Variants in ITPRID2 observed in about 807,000 individuals in gnomAD.
The protein encoded by ITPRID2 is ITPR interacting domain containing 2.
A neutral mutation model predicts 124.3 loss-of-function variants in ITPRID2; 60 were observed. That is an observed-to-expected ratio of 0.48 (90% CI 0.39 to 0.60). The LOEUF is 0.60. Among genes scored for constraint, ITPRID2 ranks in the 20% least tolerant of loss-of-function variants. The probability of loss-of-function intolerance (pLI) is 0.00; values close to 1 mark genes in which losing one functional copy is unlikely to be tolerated. For synonymous variants in ITPRID2, 521 were observed against 542.9 expected (o/e 0.96, Z 0.56); for missense variants, 1,553 against 1,512.2 (o/e 1.03, Z -0.45).
At chr2:181,894,643 T>C (rs1198849243) in intron 2 of ITPRID2, 1 of 152,196 alleles carries the variant, frequency 6.6e-6, no homozygotes, top group Non-Finnish European at 1.5e-5. Context: ...AAATAGTCTT[T>C]GTTTCTTAGT....
At position 181,928,153 on chromosome 2, in the gene ITPRID2, C is replaced by T. The variant is rs1456910071; in HGVS notation, c.3676-8C>T. 3 of 1,505,036 alleles carry T rather than the reference C, an allele frequency of 2.0e-6. No homozygotes were observed. Among genetic ancestry groups the T allele is most frequent in the Non-Finnish European group, 2.7e-6 (3 of 1,125,094 alleles). The allele number at this position is 1,505,036 out of a possible 1,614,324, so 93.2% of individuals were successfully genotyped here. ...GTAAATTTTTGTTTTATTGTTTTTCCAATCTAGATTAAAGAGTCTATTGTT... is the reference window on the plus strand; with the variant it reads ...GTAAATTTTTGTTTTATTGTTTTTCTAATCTAGATTAAAGAGTCTATTGTT... On this transcript the variant is annotated splice_region_variant and splice_polypyrimidine_tract_variant and intron_variant, in intron 16 of 17. Coordinates refer to ENST00000431877, the MANE Select transcript of ITPRID2 (RefSeq NM_001130445.3).
intron 4 of ITPRID2, among the ~76,000 whole-genome samples, chr2:181,898,269 T>C (rs549766747): frequency 6.6e-6 from 1 of 152,172 alleles, no homozygotes; most frequent in Admixed American, 6.5e-5. Context: ...AATTTTATTC[T>C]TTGTATTTGT....
At chr2:181,929,522 G>C in intron 17 of ITPRID2, 39 bp from the exon 18 acceptor site, 2 of 1,416,298 alleles carry the variant, frequency 1.4e-6, no homozygotes, top group Non-Finnish European at 9.9e-7. Flanking sequence ...AACAGTATTT[G>C]AAAGAGGTTT....
chr2:181,918,398 T>C, intron 11 of ITPRID2, 200 bp from the exon 12 acceptor site: 1 of 1,367,506 alleles, frequency 7.3e-7, no homozygotes, highest in Non-Finnish European at 9.4e-7. Context: ...GTAGATTGAC[T>C]TATACCTGGA....
chr2:181,910,658 AC>A lies in ITPRID2; in HGVS notation c.1486+688del. On this transcript the variant is annotated intron_variant, in intron 9 of 17. Coordinates refer to ENST00000431877, the MANE Select transcript of ITPRID2 (RefSeq NM_001130445.3). This position sits in a 1 kb window ranked among gnomAD's most constrained non-coding sequence, Gnocchi z 4.1. Reference sequence around the variant, plus strand: ...GGACTGTTTATTTTTGAAACTTTACACATGCTGAACCACCCTGTTTTTTTTT... The same window carrying A: ...GGACTGTTTATTTTTGAAACTTTACAATGCTGAACCACCCTGTTTTTTTTT... 1 of 675,596 alleles carries A rather than the reference AC, an allele frequency of 1.5e-6. No homozygotes were observed. Among genetic ancestry groups the A allele is most frequent in the African/African-American group, 1.8e-5 (1 of 54,958 alleles). 41.9% of individuals were successfully genotyped at this position (675,596 alleles called of 1,614,324 possible).
At position 181,891,960 on chromosome 2, in the gene ITPRID2, C is replaced by T. The variant is rs976023331; in HGVS notation, c.-107C>T. 4.5e-6 allele frequency: 5 copies of T among 1,113,760 alleles called. No individual in the cohort carries two copies. The highest frequency in any genetic ancestry group is 3.3e-5 in the South Asian group (2 of 60,464). 69.0% of individuals were successfully genotyped at this position (1,113,760 alleles called of 1,614,324 possible). Reference sequence around the variant, plus strand: ...CCTCCTCCGGCGCCCGCTTCAGCTCCCCGGGGCCCCCTGCCCGGCCGGGCG... The same window carrying T: ...CCTCCTCCGGCGCCCGCTTCAGCTCTCCGGGGCCCCCTGCCCGGCCGGGCG... On this transcript the variant is annotated 5_prime_UTR_variant, in exon 1 of 18. Coordinates refer to ENST00000431877, the MANE Select transcript of ITPRID2 (RefSeq NM_001130445.3).
intron 10 of ITPRID2, among the ~76,000 whole-genome samples, chr2:181,914,759 AAATCCGGGCTG>A (rs1192658954): frequency 6.6e-6 from 1 of 152,234 alleles, no homozygotes. Context: ...TGATTCAGAA[AAATCCGGGCTG>A]AAACTGGAGA....
chr2:181,918,876 A>T lies in ITPRID2; in HGVS notation c.2987A>T (p.Glu996Val), dbSNP rs751019764. 1 of 1,613,800 alleles carries T rather than the reference A, an allele frequency of 6.2e-7. No homozygotes were observed. Among genetic ancestry groups the T allele is most frequent in the Non-Finnish European group, 8.5e-7 (1 of 1,179,958 alleles). ...ATGGTTTATCATCATATGACTGAGGAGGAGAGGTAAAAGTTCATTTTGTCT... is the reference window on the plus strand; with the variant it reads ...ATGGTTTATCATCATATGACTGAGGTGGAGAGGTAAAAGTTCATTTTGTCT... The part of the protein sequence containing the change: ...QTMVYHHMTE[E>V]ERFEVDQLQG... Residue 996 changes from glutamate (E) to valine (V), a missense_variant, in exon 13 of 18, where the codon GAG becomes GTG. Glu to Val is a moderately radical substitution (Grantham distance 121). Transcript: ENST00000431877.
rs376959379 is a variant in ITPRID2, at chr2:181,922,270, T to G, written c.3533T>G (p.Val1178Gly). The G allele has an allele frequency of 5.6e-6, 9 of 1,614,176 alleles. No individual in the cohort carries two copies. In the African/African-American group the frequency reaches 1.2e-4, roughly 22 times the overall value. ...CCAGATTTGGAAAGTTCTGAGGAAG[T>G]TGATGCAGCTGAAGGAGCCCCAGAA... ...TPPDLESSEE[V>G]DAAEGAPEVV... The change falls in exon 16 of 18, where the codon GTT becomes GGT. Residue 1178 changes from valine (V) to glycine (G), a missense_variant. Physicochemically the swap from Val to Gly is moderately radical, Grantham distance 109. Coordinates refer to ENST00000431877, the MANE Select transcript of ITPRID2 (RefSeq NM_001130445.3).
In ITPRID2 at chr2:181,892,774, A is replaced by AC; in HGVS notation, c.257+116dup. 1 of 1,271,278 alleles carries AC rather than the reference A, an allele frequency of 7.9e-7. No individual in the cohort carries two copies. The highest frequency in any genetic ancestry group is 1.1e-6 in the Non-Finnish European group (1 of 886,134). The allele number at this position is 1,271,278 out of a possible 1,614,324, so 78.7% of individuals were successfully genotyped here. ...GTCCCGCGACCGTTGTAAGCTACAA[A>AC]CCGGAAAGTGAGCCGGCGGATAGCT... On this transcript the variant is annotated intron_variant, in intron 2 of 17. Transcript: ENST00000431877. This position sits in a 1 kb window ranked among gnomAD's most constrained non-coding sequence, Gnocchi z 5.2.
intron 11 of ITPRID2, chr2:181,917,030 T>G (rs1694115605): frequency 1.0e-6 from 1 of 981,542 alleles, no homozygotes; most frequent in Non-Finnish European, 1.2e-6. Context: ...TGATTTAAAA[T>G]GCTCTGTATG....
Position 181,907,534 on chromosome 2 carries a change from C to T in ITPRID2, c.1414-2365C>T, listed in dbSNP as rs1173170023. On this transcript the variant is annotated intron_variant, in intron 8 of 17. Coordinates refer to ENST00000431877, the MANE Select transcript of ITPRID2 (RefSeq NM_001130445.3). The surrounding 1 kb of genome is among the most constrained non-coding windows in gnomAD (Gnocchi z 5.1). ...ATTAGAGAAAATAATATCATGAACA[C>T]CCATTACTCATCATTCTAATTCAGT... Among the ~76,000 whole-genome samples the T allele has an allele frequency of 6.6e-6, 1 of 151,726 alleles. No homozygotes were observed. Among genetic ancestry groups the T allele is most frequent in the Non-Finnish European group, 1.5e-5 (1 of 67,956 alleles).
In ITPRID2 at chr2:181,891,761, G is replaced by C. The variant is rs1196025491; in HGVS notation, c.-306G>C. The C allele has an allele frequency of 6.0e-6, 1 of 166,982 alleles. No homozygotes were observed. Among genetic ancestry groups the C allele is most frequent in the Admixed American group, 6.5e-5 (1 of 15,476 alleles). The allele number at this position is 166,982 out of a possible 1,614,324, so 10.3% of individuals were successfully genotyped here. ...GCAGCGGCCGGCCTGCTCCGGGCGCGTCAGGCAGGGGGTGGGGAGCAGGGG... is the reference window on the plus strand; with the variant it reads ...GCAGCGGCCGGCCTGCTCCGGGCGCCTCAGGCAGGGGGTGGGGAGCAGGGG... On this transcript the variant is annotated 5_prime_UTR_variant, in exon 1 of 18. Coordinates refer to ENST00000431877, the MANE Select transcript of ITPRID2 (RefSeq NM_001130445.3).
Position 181,929,981 on chromosome 2 carries a change from A to AT in ITPRID2, c.*439dup, listed in dbSNP as rs1184725615. 6.1e-6 allele frequency: 1 copy of AT among 163,518 alleles called. No homozygotes were observed. Among genetic ancestry groups the AT allele is most frequent in the Admixed American group, 6.4e-5 (1 of 15,600 alleles). 10.1% of individuals were successfully genotyped at this position (163,518 alleles called of 1,614,324 possible). A position where few individuals can be genotyped will look rare whatever the true frequency, so the allele number is the denominator to read the frequency against. Reference sequence around the variant, plus strand: ...TTTTCAGAGCTTGAAGCATCCAATGATTTTTCCCTCCACTGCTGTTAATTA... The same window carrying AT: ...TTTTCAGAGCTTGAAGCATCCAATGATTTTTTCCCTCCACTGCTGTTAATTA... On this transcript the variant is annotated 3_prime_UTR_variant, in exon 18 of 18. Transcript: ENST00000431877.
Position 181,907,621 on chromosome 2 carries a change from G to A in ITPRID2, c.1414-2278G>A, listed in dbSNP as rs531023636. On this transcript the variant is annotated intron_variant, in intron 8 of 17. Transcript: ENST00000431877. This position sits in a 1 kb window ranked among gnomAD's most constrained non-coding sequence, Gnocchi z 5.1. ...TTATAGCAAATGACCAGAATTCTAC[G>A]GAGCATTTGAAACCACTGAATAGGG... Among the ~76,000 whole-genome samples, 47 of 152,034 alleles carry A rather than the reference G, an allele frequency of 3.1e-4. No homozygotes were observed. The highest frequency in any genetic ancestry group is 2.3e-3 in the South Asian group (11 of 4,810).
In ITPRID2 at chr2:181,903,509, C is replaced by G. The variant is rs190755188; in HGVS notation, c.1413+1043C>G. Among the ~76,000 whole-genome samples, 521 of 152,222 alleles carry G rather than the reference C, an allele frequency of 3.4e-3. 1 individual carries two copies. Among genetic ancestry groups the G allele is most frequent in the African/African-American group, 0.012 (483 of 41,534 alleles). On this transcript the variant is annotated intron_variant, in intron 8 of 17. Coordinates refer to ENST00000431877, the MANE Select transcript of ITPRID2 (RefSeq NM_001130445.3). ...TCCTCTTAGGTGAGTGTCTCTCTCT[C>G]TTGCTCCCTCCCTCCCTCCCTCAGA...
At position 181,902,292 on chromosome 2, in the gene ITPRID2, A is replaced by G. The variant is rs1247156141; in HGVS notation, c.1239A>G (p.Val413=). ...AACTGGGTGAGGAATCTGGTATTGT[A>G]GAATCCAAATTAGATAGTGATTTCA... The part of the protein sequence containing the change: ...ESKLGEESGI[V]ESKLDSDFNI... Residue 413 remains valine, a synonymous_variant, in exon 8 of 18, where the codon GTA becomes GTG. Transcript: ENST00000431877. This position sits in a 1 kb window ranked among gnomAD's most constrained non-coding sequence, Gnocchi z 4.4. 4.3e-6 allele frequency: 7 copies of G among 1,613,934 alleles called. No homozygotes were observed. In the South Asian group the frequency reaches 6.6e-5, roughly 15 times the overall value.
chr2:181,927,610 G>T (rs987119086), intron 16 of ITPRID2, among the ~76,000 whole-genome samples: 55 of 152,142 alleles, frequency 3.6e-4, no homozygotes, highest in African/African-American at 1.3e-3. Context: ...TTTTGAGGAT[G>T]TTTTTTATAT....
In ITPRID2 at chr2:181,910,479, T is replaced by G. The variant is rs1008318524; in HGVS notation, c.1486+508T>G. Reference sequence around the variant, plus strand: ...TGTAGATACTGTTCCTCTCTTAAATTATTAATTATTGACCAAAGAACCTTT... The same window carrying G: ...TGTAGATACTGTTCCTCTCTTAAATGATTAATTATTGACCAAAGAACCTTT... On this transcript the variant is annotated intron_variant, in intron 9 of 17. Transcript: ENST00000431877. The surrounding 1 kb of genome is among the most constrained non-coding windows in gnomAD (Gnocchi z 4.1). 3.6e-5 allele frequency: 21 copies of G among 580,718 alleles called. No individual in the cohort carries two copies. The Middle Eastern group carries it at 1.0e-3, about 29-fold the overall frequency. The allele number at this position is 580,718 out of a possible 1,614,324, so 36.0% of individuals were successfully genotyped here.
Sources: allele counts gnomAD v4.1 joint callset (sites outside exome capture counted in the v4.1 genomes callset), GRCh38; gene constraint gnomAD v4.1.1; non-coding constraint Gnocchi (gnomAD v3.1); transcripts MANE v1.5; gene names NCBI Gene and HGNC (gene_info 2026-07-23, HGNC 2026-07-21).